Variants in SPTLC3 observed in about 807,000 individuals in gnomAD.
SPTLC3 encodes the protein serine palmitoyltransferase long chain base subunit 3.
Under a neutral mutation model 59.3 loss-of-function variants are expected in SPTLC3, and 36 were observed. The ratio of observed to expected loss-of-function variants is 0.61; its 90% CI spans 0.47 to 0.80. SPTLC3 has a LOEUF of 0.80. SPTLC3 is among the 30% of genes least tolerant of loss of function. The pLI, the probability that SPTLC3 is intolerant of heterozygous loss-of-function variation, is 0.00. For synonymous variants in SPTLC3, 257 were observed against 240.8 expected, an observed-to-expected ratio of 1.07 and a Z score of -0.62; for missense variants, 625 against 685.1, an observed-to-expected ratio of 0.91 and a Z score of 0.98.
chr20:13,014,655 A>T (rs1458291517), intron 1 of SPTLC3, among the ~76,000 whole-genome samples: 2 of 152,140 alleles, frequency 1.3e-5, no homozygotes, highest in Non-Finnish European at 2.9e-5. Context: ...CAGAGGAAAA[A>T]TAGTGAAGTG....
chr20:13,020,365 A>AAAAG (rs1262577766), intron 1 of SPTLC3, among the ~76,000 whole-genome samples: 42 of 97,764 alleles, frequency 4.3e-4, no homozygotes, highest in Non-Finnish European at 9.5e-4. Context: ...AAAAAGAAAA[A>AAAAG]AAAGAAAATT....
At chr20:13,109,397 C>T (rs1011268560) in intron 6 of SPTLC3, among the ~76,000 whole-genome samples, 7 of 152,140 alleles carry the variant, frequency 4.6e-5, no homozygotes, top group African/African-American at 1.7e-4. Flanking sequence ...TATGATAGAC[C>T]TCAGGCAGTT....
chr20:13,036,383 A>C (rs1986737243), intron 1 of SPTLC3, among the ~76,000 whole-genome samples: 1 of 151,890 alleles, frequency 6.6e-6, no homozygotes, highest in Non-Finnish European at 1.5e-5. Context: ...CAGCCTACTT[A>C]GTGTGAAGTC....
chr20:13,048,660 G>T (rs1431434), intron 1 of SPTLC3, among the ~76,000 whole-genome samples: 132,664 of 152,212 alleles, frequency 0.87, 57,877 homozygotes, highest in East Asian at 0.92. Context: ...GAAGTAAGCT[G>T]TGGGGTCATA....
intron 1 of SPTLC3, among the ~76,000 whole-genome samples, chr20:13,024,400 T>A (rs1986046512): frequency 6.6e-6 from 1 of 151,812 alleles, no homozygotes; most frequent in Admixed American, 6.6e-5. Context: ...CTTGTCTACC[T>A]ATCTATCTAT....
At chr20:13,144,395 T>A (rs1298911775) in intron 9 of SPTLC3, among the ~76,000 whole-genome samples, 1 of 152,222 alleles carries the variant, frequency 6.6e-6, no homozygotes, top group East Asian at 1.9e-4. Flanking sequence ...TCAATCATCC[T>A]CCCAGAAGTC....
At chr20:13,139,148 C>T (rs1335509265) in intron 9 of SPTLC3, among the ~76,000 whole-genome samples, 1 of 152,134 alleles carries the variant, frequency 6.6e-6, no homozygotes, top group African/African-American at 2.4e-5. Context: ...GGATGTTTTT[C>T]AATCAAGAAA....
chr20:13,010,663 C>T (rs1375048922), intron 1 of SPTLC3, among the ~76,000 whole-genome samples: 2 of 152,122 alleles, frequency 1.3e-5, no homozygotes, highest in Non-Finnish European at 2.9e-5. Context: ...TAATATCCAC[C>T]ACTTATGCAT....
intron 4 of SPTLC3, among the ~76,000 whole-genome samples, chr20:13,086,918 T>C (rs776935134): frequency 1.3e-5 from 2 of 152,162 alleles, no homozygotes; most frequent in African/African-American, 2.4e-5. Flanking sequence ...GCCTCCCAGA[T>C]AGCTAGGACT....
At chr20:13,068,201 A>C (rs564036957) in intron 2 of SPTLC3, among the ~76,000 whole-genome samples, 16 of 152,308 alleles carry the variant, frequency 1.1e-4, no homozygotes, top group Non-Finnish European at 1.9e-4. Flanking sequence ...CAGAAGAAAC[A>C]ATGCTATTTT....
At chr20:13,099,425 G>T (rs1450782443) in intron 6 of SPTLC3, among the ~76,000 whole-genome samples, 2 of 152,178 alleles carry the variant, frequency 1.3e-5, no homozygotes, top group African/African-American at 4.8e-5. Context: ...AGATAAGTTT[G>T]TGTTGTCTTA....
chr20:13,028,228 C>T (rs886321405), intron 1 of SPTLC3, among the ~76,000 whole-genome samples: 1 of 152,070 alleles, frequency 6.6e-6, no homozygotes, highest in African/African-American at 2.4e-5. Context: ...CTCAGAGAAC[C>T]ATGTTATATG....
intron 8 of SPTLC3, among the ~76,000 whole-genome samples, chr20:13,123,103 G>A (rs6105043): frequency 0.15 from 22,423 of 152,084 alleles, 2,744 homozygotes; most frequent in African/African-American, 0.34. Flanking sequence ...GGCCAAGGCC[G>A]GCGGATTACC....
intron 6 of SPTLC3, among the ~76,000 whole-genome samples, chr20:13,097,218 C>T (rs1989448122): frequency 6.6e-6 from 1 of 151,914 alleles, no homozygotes; most frequent in Admixed American, 6.6e-5. Context: ...TAATTCTAAT[C>T]AGGGAAGAAG....
chr20:13,138,041 C>G (rs958778108), intron 9 of SPTLC3, among the ~76,000 whole-genome samples: 2 of 152,192 alleles, frequency 1.3e-5, no homozygotes, highest in African/African-American at 4.8e-5. Context: ...CCAGGGAGAC[C>G]TTCCCTAAAC....
chr20:13,121,503 CT>C (rs1286157135), intron 8 of SPTLC3, among the ~76,000 whole-genome samples: 1 of 152,198 alleles, frequency 6.6e-6, no homozygotes, highest in Non-Finnish European at 1.5e-5. Context: ...TGCCCTTGAA[CT>C]TCAGGCCTGT....
rs6041764 is a variant in SPTLC3 at position 13,010,054 on chromosome 20, C to A, written c.117+670C>A. 9.2e-4 allele frequency among the ~76,000 whole-genome samples: 122 copies of A among 132,354 alleles called. 2 individuals carry two copies. The highest frequency in any genetic ancestry group is 8.0e-4 in the East Asian group (3 of 3,762). The allele number at this position is 132,354 out of a possible 152,430, so 86.8% of individuals were successfully genotyped here. On this transcript the variant is annotated intron_variant, in intron 1 of 11. Transcript: ENST00000399002. ...CCAACTTGACACTTTTTTTTTTTTT[C>A]ACTCTTATTGCACCGGGATGTTTGC... is the stretch of plus-strand genomic sequence containing the variant.
chr20:13,110,084 C>T (rs1275016998), intron 6 of SPTLC3, 28 bp from the exon 7 acceptor site: 7 of 1,542,088 alleles, frequency 4.5e-6, no homozygotes, highest in Non-Finnish European at 6.2e-6. Flanking sequence ...TTTCATGACT[C>T]AATTTTTTTT....
intron 6 of SPTLC3, among the ~76,000 whole-genome samples, chr20:13,105,197 G>A (rs199528423): frequency 6.6e-6 from 1 of 152,120 alleles, no homozygotes; most frequent in East Asian, 1.9e-4. Flanking sequence ...TCCAGGCCGA[G>A]CGCAGTCTTC....
Sources: gnomAD v4.1 joint callset for allele counts (sites outside exome capture counted in the v4.1 genomes callset) on GRCh38, gnomAD v4.1.1 for gene constraint, MANE v1.5 for transcripts, NCBI Gene and HGNC (gene_info 2026-07-23, HGNC 2026-07-21) for gene names.